DDX10: variants seen among roughly 807,000 people sequenced by gnomAD.
The protein encoded by DDX10 is DEAD-box helicase 10.
Under a neutral mutation model 104.3 loss-of-function variants are expected in DDX10, and 74 were observed. That is an observed-to-expected ratio of 0.71 (90% CI 0.59 to 0.86). The LOEUF (loss-of-function observed/expected upper bound fraction) is 0.86, where lower values mean the gene tolerates loss of function less well. Among genes scored for constraint, DDX10 ranks in the 40% least tolerant of loss-of-function variants. The pLI is 0.00. For synonymous variants in DDX10, 351 were observed against 353.4 expected, an observed-to-expected ratio of 0.99 and a Z score of 0.08; for missense variants, 952 against 1,040.0, an observed-to-expected ratio of 0.92 and a Z score of 1.16.
rs1192905117 is a variant in DDX10, at chr11:108,774,245, TC to T, written c.1965+50784del. On this transcript the variant is annotated intron_variant, in intron 13 of 17. Transcript: ENST00000322536. ...ACCTTGGGAAGTGAGAATCATTTGTTCATTGGCCGTGTGACTAGGCTGGCAT... is the reference window on the plus strand; with the variant it reads ...ACCTTGGGAAGTGAGAATCATTTGTTATTGGCCGTGTGACTAGGCTGGCAT... Among the ~76,000 whole-genome samples, 6 of 152,264 alleles carry T rather than the reference TC, an allele frequency of 3.9e-5. No individual in the cohort carries two copies. The East Asian group carries it at 1.2e-3, about 29-fold the overall frequency.
chr11:108,887,219 A>G (rs925310872), intron 16 of DDX10, among the ~76,000 whole-genome samples: 10 of 152,128 alleles, frequency 6.6e-5, no homozygotes, highest in South Asian at 2.1e-4. Context: ...TACGTGGCCC[A>G]TTTAGGTATC....
At chr11:108,773,740 T>G (rs1254272561) in intron 13 of DDX10, among the ~76,000 whole-genome samples, 2 of 152,182 alleles carry the variant, frequency 1.3e-5, no homozygotes, top group African/African-American at 2.4e-5. Context: ...GTAAGGGCAT[T>G]TAATTTGCAT....
At chr11:108,722,892 T>C in intron 12 of DDX10, 105 bp from the exon 13 acceptor site, 3 of 1,442,210 alleles carry the variant, frequency 2.1e-6, no homozygotes, top group Non-Finnish European at 2.7e-6. Context: ...AACATTTTCT[T>C]TAAAAAAGCT....
At chr11:108,804,793 GCCA>G in intron 13 of DDX10, among the ~76,000 whole-genome samples, 1 of 152,140 alleles carries the variant, frequency 6.6e-6, no homozygotes, top group East Asian at 1.9e-4. Context: ...TTGGCTGGAG[GCCA>G]CCTCCTATGG....
At chr11:108,903,833 A>G (rs1863552120) in intron 16 of DDX10, among the ~76,000 whole-genome samples, 1 of 152,218 alleles carries the variant, frequency 6.6e-6, no homozygotes, top group South Asian at 2.1e-4. Context: ...TTTATAGGAC[A>G]TTTATGTTGT....
chr11:108,715,375 A>G (rs2094290048), intron 10 of DDX10, among the ~76,000 whole-genome samples: 1 of 152,208 alleles, frequency 6.6e-6, no homozygotes, highest in Non-Finnish European at 1.5e-5. Flanking sequence ...ACAACAGACT[A>G]GCCGTGCATG....
At chr11:108,791,502 A>G (rs1053673331) in intron 13 of DDX10, among the ~76,000 whole-genome samples, 1 of 152,228 alleles carries the variant, frequency 6.6e-6, no homozygotes, top group African/African-American at 2.4e-5. Flanking sequence ...AATTTTAAGT[A>G]TACAATTCAT....
chr11:108,849,195 A>G (rs572530701), intron 15 of DDX10, among the ~76,000 whole-genome samples: 2 of 152,244 alleles, frequency 1.3e-5, no homozygotes, highest in Admixed American at 6.5e-5. Context: ...AACCATTCTC[A>G]TGATCTTTCT....
chr11:108,730,335 A>G (rs867774054), intron 13 of DDX10, among the ~76,000 whole-genome samples: 18 of 152,354 alleles, frequency 1.2e-4, no homozygotes, highest in South Asian at 1.0e-3. Context: ...AGTCTCGTAG[A>G]AAAGTGACAA....
chr11:108,775,898 G>A (rs1463798282), intron 13 of DDX10, among the ~76,000 whole-genome samples: 1 of 151,982 alleles, frequency 6.6e-6, no homozygotes, highest in Non-Finnish European at 1.5e-5. Flanking sequence ...TCGTATAATC[G>A]TACAGCATGT....
chr11:108,807,237 A>C (rs1862114113), intron 13 of DDX10, among the ~76,000 whole-genome samples: 1 of 152,136 alleles, frequency 6.6e-6, no homozygotes, highest in Admixed American at 6.5e-5. Context: ...TGTAGAGTTT[A>C]GTGGAAGTCA....
At chr11:108,766,670 G>T (rs141077645) in intron 13 of DDX10, among the ~76,000 whole-genome samples, 109 of 152,292 alleles carry the variant, frequency 7.2e-4, no homozygotes, top group African/African-American at 2.5e-3. Context: ...AATGAATGTT[G>T]TGGTTTTTGA....
At chr11:108,888,950 C>T (rs1863338787) in intron 16 of DDX10, among the ~76,000 whole-genome samples, 1 of 152,146 alleles carries the variant, frequency 6.6e-6, no homozygotes, top group Non-Finnish European at 1.5e-5. Context: ...CTTTTACCAA[C>T]AGCATGGCCA....
intron 13 of DDX10, among the ~76,000 whole-genome samples, chr11:108,800,456 A>T (rs1419140266): frequency 6.6e-6 from 1 of 150,882 alleles, no homozygotes; most frequent in African/African-American, 2.4e-5. Flanking sequence ...AAAAAAAAAA[A>T]AAAAAAGAAC....
At chr11:108,696,724 CT>C (rs1450274428) in intron 9 of DDX10, among the ~76,000 whole-genome samples, 2 of 151,888 alleles carry the variant, frequency 1.3e-5, no homozygotes, top group Non-Finnish European at 2.9e-5. Flanking sequence ...TTTTCTTTTC[CT>C]TTTCGATATC....
chr11:108,678,420 G>A lies in DDX10; in HGVS notation c.643G>A (p.Asp215Asn), dbSNP rs745367688. Reference protein sequence around the residue: ...MDETVSFHATDLQMLVLDEAD... With the variant: ...MDETVSFHATNLQMLVLDEAD... ...TGAAACAGTATCTTTTCATGCTACCGACCTCCAAATGTTAGGTGAGTCAAA... is the reference window on the plus strand; with the variant it reads ...TGAAACAGTATCTTTTCATGCTACCAACCTCCAAATGTTAGGTGAGTCAAA... Residue 215 changes from aspartate to asparagine, a missense_variant, in exon 5 of 18, where the codon GAC becomes AAC. Asp to Asn is a conservative substitution (Grantham distance 23). Coordinates refer to ENST00000322536, the MANE Select transcript of DDX10 (RefSeq NM_004398.4). 7.5e-6 allele frequency: 12 copies of A among 1,601,100 alleles called. No homozygotes were observed. Among genetic ancestry groups the A allele is most frequent in the South Asian group, 2.3e-5 (2 of 87,572 alleles).
intron 10 of DDX10, among the ~76,000 whole-genome samples, chr11:108,710,338 T>G (rs1327420510): frequency 6.6e-6 from 1 of 152,224 alleles, no homozygotes; most frequent in African/African-American, 2.4e-5. Context: ...CTTGATTCTT[T>G]TGTAATTACA....
At chr11:108,877,679 C>T (rs1863170848) in intron 16 of DDX10, among the ~76,000 whole-genome samples, 1 of 152,158 alleles carries the variant, frequency 6.6e-6, no homozygotes, top group African/African-American at 2.4e-5. Flanking sequence ...TCTATATTTC[C>T]TAATCTAAAC....
chr11:108,750,980 C>CTATG (rs2094338024), intron 13 of DDX10, among the ~76,000 whole-genome samples: 2 of 89,742 alleles, frequency 2.2e-5, no homozygotes, highest in South Asian at 8.3e-4. Flanking sequence ...TGGGCTTTCA[C>CTATG]TATGTTGCCC....
Sources: gnomAD v4.1 joint callset for allele counts (sites outside exome capture counted in the v4.1 genomes callset) on GRCh38, gnomAD v4.1.1 for gene constraint, MANE v1.5 for transcripts, NCBI Gene and HGNC (gene_info 2026-07-23, HGNC 2026-07-21) for gene names.